Variants in PPP1R26 observed in about 807,000 individuals in gnomAD.
PPP1R26 encodes the protein 1A6/DRIM (down-regulated in metastasis) interacting protein.
Under a neutral mutation model 67.6 loss-of-function variants are expected in PPP1R26, and 22 were observed. The observed-to-expected ratio is 0.33, with a 90% CI of 0.23 to 0.46. The LOEUF is 0.46. Ranked by LOEUF, PPP1R26 falls within the 20% of genes least tolerant of loss-of-function variation. PPP1R26 has a pLI of 1.00. For missense variants in PPP1R26, 1,602 were observed against 1,651.4 expected, an observed-to-expected ratio of 0.97 and a Z score of 0.52; for synonymous variants, 729 against 717.2, an observed-to-expected ratio of 1.02 and a Z score of -0.26.
chr9:135,484,670 C>G lies in PPP1R26; in HGVS notation c.160C>G (p.Leu54Val). 6.2e-7 allele frequency: 1 copy of G among 1,610,860 alleles called. No individual in the cohort carries two copies. Among genetic ancestry groups the G allele is most frequent in the Non-Finnish European group, 8.5e-7 (1 of 1,179,880 alleles). Residue 54 changes from leucine to valine, a missense_variant, in exon 4 of 4, where the codon CTG becomes GTG. Around this residue, in one of 5 missense-constraint regions of PPP1R26, gnomAD observed 168 missense variants for 176.1 expected, o/e 0.95. Coordinates refer to ENST00000356818, the MANE Select transcript of PPP1R26 (RefSeq NM_014811.5). ...CCGGGTGCAGATGCTTATCAGCACT[C>G]TGCAGCGCGACGGGGCTGCTCGGGG... ...SARVQMLIST[L>V]QRDGAARGTS... is the part of the protein sequence containing the mutation.
Position 135,484,999 on chromosome 9 carries a change from C to T in PPP1R26, c.489C>T (p.Ser163=), listed in dbSNP as rs368679903. 5 of 1,585,076 alleles carry T rather than the reference C, an allele frequency of 3.2e-6. No homozygotes were observed. The highest frequency in any genetic ancestry group is 4.3e-6 in the Non-Finnish European group (5 of 1,166,636). Residue 163 remains serine, a synonymous_variant, in exon 4 of 4, where the codon TCC becomes TCT. Coordinates refer to ENST00000356818, the MANE Select transcript of PPP1R26 (RefSeq NM_014811.5). Reference sequence around the variant, plus strand: ...CCCAGCCAGGTGCAGCCCAGCCTTCCAGGGCCGCAGGCGGAGGCAGTAGAT... The same window carrying T: ...CCCAGCCAGGTGCAGCCCAGCCTTCTAGGGCCGCAGGCGGAGGCAGTAGAT... ...GGAQPGAAQP[S]RAAGGGSRCK...
Position 135,488,052 on chromosome 9 carries a change from A to C in PPP1R26, c.3542A>C (p.Gln1181Pro). The C allele has an allele frequency of 3.1e-6, 5 of 1,603,916 alleles. No individual in the cohort carries two copies. The highest frequency in any genetic ancestry group is 1.3e-5 in the African/African-American group (1 of 74,524). ...RYRRRVNRDD[Q>P]EQDALGSDAS... ...CGACGAAGGGTCAACAGGGATGACC[A>C]GGAGCAGGACGCCTTGGGCAGTGAC... Residue 1181 changes from glutamine to proline, a missense_variant, in exon 4 of 4, where the codon CAG (glutamine) becomes CCG (proline). By Grantham distance (76) the Gln-to-Pro change is moderately conservative (BLOSUM62 -1). Transcript: ENST00000356818.
rs542042907 is a variant in PPP1R26 at position 135,486,374 on chromosome 9, G to A, written c.1864G>A (p.Asp622Asn). The A allele has an allele frequency of 7.4e-6, 12 of 1,613,070 alleles. No individual in the cohort carries two copies. Among genetic ancestry groups the A allele is most frequent in the South Asian group, 1.1e-5 (1 of 91,064 alleles). ...EVVKDGSQDA[D>N]HSQGRAEPGH... ...GGTGAAAGACGGTAGCCAGGATGCC[G>A]ACCACAGCCAGGGGAGAGCTGAGCC... The change falls in exon 4 of 4, where the codon GAC becomes AAC. Residue 622 changes from aspartate to asparagine, a missense_variant. Physicochemically the swap from Asp to Asn is conservative, Grantham distance 23. This residue lies in a region of PPP1R26 where 680 missense variants were observed against 726.1 expected (regional missense o/e 0.94). Coordinates refer to ENST00000356818, the MANE Select transcript of PPP1R26 (RefSeq NM_014811.5). This position sits in a 1 kb window ranked among gnomAD's most constrained non-coding sequence, Gnocchi z 6.2.
At position 135,484,732 on chromosome 9, in the gene PPP1R26, G is replaced by A; in HGVS notation, c.222G>A (p.Arg74=). The A allele has an allele frequency of 6.2e-7, 1 of 1,610,148 alleles. No homozygotes were observed. Among genetic ancestry groups the A allele is most frequent in the South Asian group, 1.1e-5 (1 of 90,930 alleles). The change falls in exon 4 of 4, where the codon AGG becomes AGA. Residue 74 remains arginine (R), a synonymous_variant. Transcript: ENST00000356818. ...SDERAAQRGH[R]AEGCHDARPA... is the part of the protein sequence containing the mutation. ...AGCGCGCCGCACAGAGGGGCCACAGGGCAGAGGGATGCCACGACGCCAGGC... is the reference window on the plus strand; with the variant it reads ...AGCGCGCCGCACAGAGGGGCCACAGAGCAGAGGGATGCCACGACGCCAGGC...
Position 135,485,220 on chromosome 9 carries a change from A to G in PPP1R26, c.710A>G (p.Lys237Arg), listed in dbSNP as rs767711746. Residue 237 changes from lysine (K) to arginine (R), a missense_variant, in exon 4 of 4, where the codon AAG (lysine) becomes AGG (arginine). Physicochemically the swap from Lys to Arg is conservative, Grantham distance 26 (BLOSUM62 2). Coordinates refer to ENST00000356818, the MANE Select transcript of PPP1R26 (RefSeq NM_014811.5). This position sits in a 1 kb window ranked among gnomAD's most constrained non-coding sequence, Gnocchi z 7.2. ...RAEIEQFLNE[K>R]RQHETQKCDG... Reference sequence around the variant, plus strand: ...GAAATAGAACAGTTTCTGAATGAGAAGAGACAGCATGAGACCCAAAAATGT... The same window carrying G: ...GAAATAGAACAGTTTCTGAATGAGAGGAGACAGCATGAGACCCAAAAATGT... 1 of 1,612,904 alleles carries G rather than the reference A, an allele frequency of 6.2e-7. No homozygotes were observed. The highest frequency in any genetic ancestry group is 8.5e-7 in the Non-Finnish European group (1 of 1,179,890).
At chr9:135,482,987 CTTTT>C (rs57608324) in intron 2 of PPP1R26, among the ~76,000 whole-genome samples, 172 bp downstream of exon 2, 6 of 112,058 alleles carry the variant, frequency 5.4e-5, no homozygotes, top group Non-Finnish European at 1.0e-4. Flanking sequence ...TTCTTTCTTT[CTTTT>C]TTTTTTTTTT....
Position 135,484,693 on chromosome 9 carries a change from G to A in PPP1R26, c.183G>A (p.Arg61=). The A allele has an allele frequency of 6.2e-7, 1 of 1,610,056 alleles. No homozygotes were observed. Among genetic ancestry groups the A allele is most frequent in the Non-Finnish European group, 8.5e-7 (1 of 1,179,426 alleles). ...ISTLQRDGAA[R]GTSDERAAQR... is the part of the protein sequence containing the mutation. ...CTCTGCAGCGCGACGGGGCTGCTCGGGGCACCAGCGATGAGCGCGCCGCAC... is the reference window on the plus strand; with the variant it reads ...CTCTGCAGCGCGACGGGGCTGCTCGAGGCACCAGCGATGAGCGCGCCGCAC... Residue 61 remains arginine (R), a synonymous_variant, in exon 4 of 4, where the codon CGG becomes CGA. Coordinates refer to ENST00000356818, the MANE Select transcript of PPP1R26 (RefSeq NM_014811.5).
chr9:135,480,625 G>C (rs1389351978), intron 1 of PPP1R26: 1 of 152,394 alleles, frequency 6.6e-6, no homozygotes, highest in Non-Finnish European at 1.5e-5. Context: ...AGTAGCCCAA[G>C]CTTGGGAGTC....
At position 135,485,705 on chromosome 9, in the gene PPP1R26, G is replaced by T; in HGVS notation, c.1195G>T (p.Ala399Ser). 1 of 1,610,452 alleles carries T rather than the reference G, an allele frequency of 6.2e-7. No homozygotes were observed. Among genetic ancestry groups the T allele is most frequent in the Non-Finnish European group, 8.5e-7 (1 of 1,179,970 alleles). ...PQRVQLREERAPDPPAHSTSS... is the reference protein window; with the variant it reads ...PQRVQLREERSPDPPAHSTSS... Reference sequence around the variant, plus strand: ...GAGGGTCCAACTCCGAGAGGAGAGAGCGCCTGACCCTCCCGCACACAGCAC... The same window carrying T: ...GAGGGTCCAACTCCGAGAGGAGAGATCGCCTGACCCTCCCGCACACAGCAC... Residue 399 changes from alanine to serine, a missense_variant, in exon 4 of 4, where the codon GCG becomes TCG. Ala to Ser is a moderately conservative substitution (Grantham distance 99, BLOSUM62 1). Transcript: ENST00000356818. This position sits in a 1 kb window ranked among gnomAD's most constrained non-coding sequence, Gnocchi z 7.2.
rs1427028822 is a variant in PPP1R26, at chr9:135,482,975, TTTTC to T, written c.-196+172_-196+175del. On this transcript the variant is annotated intron_variant, in intron 2 of 3. Coordinates refer to ENST00000356818, the MANE Select transcript of PPP1R26 (RefSeq NM_014811.5). ...GTGGCCAGGCTCACCTTTTGTTTCT[TTTTC>T]TTTCTTTCTTTTTTTTTTTTTTTTT... Among the ~76,000 whole-genome samples the T allele has an allele frequency of 4.1e-3, 578 of 141,402 alleles. 2 individuals carry two copies. The highest frequency in any genetic ancestry group is 6.4e-3 in the South Asian group (27 of 4,190). The allele number at this position is 141,402 out of a possible 152,430, so 92.8% of individuals were successfully genotyped here.
At position 135,484,709 on chromosome 9, in the gene PPP1R26, C is replaced by T. The variant is rs761718580; in HGVS notation, c.199C>T (p.Arg67Cys). The change falls in exon 4 of 4, where the codon CGC (arginine) becomes TGC (cysteine). Residue 67 changes from arginine (R) to cysteine (C), a missense_variant. Coordinates refer to ENST00000356818, the MANE Select transcript of PPP1R26 (RefSeq NM_014811.5). Reference sequence around the variant, plus strand: ...GGCTGCTCGGGGCACCAGCGATGAGCGCGCCGCACAGAGGGGCCACAGGGC... The same window carrying T: ...GGCTGCTCGGGGCACCAGCGATGAGTGCGCCGCACAGAGGGGCCACAGGGC... The part of the protein sequence containing the change: ...DGAARGTSDE[R>C]AAQRGHRAEG... 6 of 1,609,310 alleles carry T rather than the reference C, an allele frequency of 3.7e-6. No homozygotes were observed. The Middle Eastern group carries it at 5.1e-4, about 136-fold the overall frequency.
chr9:135,484,381 C>G (rs1251327002), intron 3 of PPP1R26, 68 bp from the exon 4 acceptor site: 1 of 875,578 alleles, frequency 1.1e-6, no homozygotes, highest in African/African-American at 1.7e-5. Context: ...CCTCTGGGGC[C>G]TCGCTTGGTG....
chr9:135,484,804 C>T lies in PPP1R26; in HGVS notation c.294C>T (p.Val98=), dbSNP rs138505579. The change falls in exon 4 of 4, where the codon GTC becomes GTT. Residue 98 remains valine (V), a synonymous_variant. Coordinates refer to ENST00000356818, the MANE Select transcript of PPP1R26 (RefSeq NM_014811.5). ...TVHKEPPALA[V]CGLVADFDPM... Reference sequence around the variant, plus strand: ...ACAAGGAGCCACCCGCGTTGGCTGTCTGTGGTCTCGTTGCTGACTTTGACC... The same window carrying T: ...ACAAGGAGCCACCCGCGTTGGCTGTTTGTGGTCTCGTTGCTGACTTTGACC... 2.5e-6 allele frequency: 4 copies of T among 1,610,876 alleles called. No individual in the cohort carries two copies. In the African/African-American group the frequency reaches 4.0e-5, roughly 16 times the overall value.
chr9:135,487,241 G>A lies in PPP1R26; in HGVS notation c.2731G>A (p.Ala911Thr), dbSNP rs757039222. The A allele has an allele frequency of 1.3e-5, 20 of 1,578,930 alleles. No homozygotes were observed. Among genetic ancestry groups the A allele is most frequent in the African/African-American group, 8.1e-5 (6 of 74,060 alleles). Residue 911 changes from alanine to threonine, a missense_variant, in exon 4 of 4, where the codon GCA becomes ACA. Around this residue, in one of 5 missense-constraint regions of PPP1R26, gnomAD observed 740 missense variants for 696.3 expected, o/e 1.06. Coordinates refer to ENST00000356818, the MANE Select transcript of PPP1R26 (RefSeq NM_014811.5). ...CGAAGGGCTTCGAGGCACAGAGAGCGCAGGAGCACAGGGCACAGCTGGTCT... is the reference window on the plus strand; with the variant it reads ...CGAAGGGCTTCGAGGCACAGAGAGCACAGGAGCACAGGGCACAGCTGGTCT... ...LAEGLRGTES[A>T]GAQGTAGLFS... is the part of the protein sequence containing the mutation.
chr9:135,485,904 G>A lies in PPP1R26; in HGVS notation c.1394G>A (p.Ser465Asn), dbSNP rs765083810. ...APPPASPASR[S>N]EFVERSSCRA... Reference sequence around the variant, plus strand: ...CCTCCAGCGAGCCCTGCTTCCAGGAGTGAGTTTGTGGAACGGTCCTCGTGC... The same window carrying A: ...CCTCCAGCGAGCCCTGCTTCCAGGAATGAGTTTGTGGAACGGTCCTCGTGC... Residue 465 changes from serine (S) to asparagine (N), a missense_variant, in exon 4 of 4, where the codon AGT becomes AAT. Transcript: ENST00000356818. This position sits in a 1 kb window ranked among gnomAD's most constrained non-coding sequence, Gnocchi z 7.2. 6.2e-7 allele frequency: 1 copy of A among 1,613,554 alleles called. No individual in the cohort carries two copies. The highest frequency in any genetic ancestry group is 8.5e-7 in the Non-Finnish European group (1 of 1,180,024).
chr9:135,487,093 G>C lies in PPP1R26; in HGVS notation c.2583G>C (p.Glu861Asp). Residue 861 changes from glutamate to aspartate, a missense_variant, in exon 4 of 4, where the codon GAG becomes GAC. Transcript: ENST00000356818. ...TGAGCAGTTCAGAAGTTCAGGCAGA[G>C]GGCCCCACCGCTCTTGGGACAGGGG... ...ESVSSSEVQA[E>D]GPTALGTGGP... 1 of 1,611,562 alleles carries C rather than the reference G, an allele frequency of 6.2e-7. No individual in the cohort carries two copies.
At chr9:135,481,000 G>A (rs905763406) in intron 1 of PPP1R26, among the ~76,000 whole-genome samples, 1 of 152,126 alleles carries the variant, frequency 6.6e-6, no homozygotes. Flanking sequence ...TTAGGATGGC[G>A]AGGGCCCAGT....
In PPP1R26 at chr9:135,485,065, G is replaced by A. The variant is rs1830660378; in HGVS notation, c.555G>A (p.Leu185=). ...CTCACGGCAGTGCCCCGACTGCCCT[G>A]TGTCCCCCAAAACTTGTACCTGGAT... The part of the protein sequence containing the change: ...EPAHGSAPTA[L]CPPKLVPGSG... Residue 185 remains leucine (L), a synonymous_variant, in exon 4 of 4, where the codon CTG becomes CTA. Transcript: ENST00000356818. The surrounding 1 kb of genome is among the most constrained non-coding windows in gnomAD (Gnocchi z 7.2). 1 of 1,608,874 alleles carries A rather than the reference G, an allele frequency of 6.2e-7. No homozygotes were observed. The highest frequency in any genetic ancestry group is 8.5e-7 in the Non-Finnish European group (1 of 1,178,242).
rs1258784913 is a variant in PPP1R26, at chr9:135,488,079, C to A, written c.3569C>A (p.Ala1190Asp). Residue 1190 changes from alanine (A) to aspartate (D), a missense_variant, in exon 4 of 4, where the codon GCC becomes GAC. Coordinates refer to ENST00000356818, the MANE Select transcript of PPP1R26 (RefSeq NM_014811.5). Reference sequence around the variant, plus strand: ...GAGCAGGACGCCTTGGGCAGTGACGCCAGTGACTTCAGCGACACCTCCACG... The same window carrying A: ...GAGCAGGACGCCTTGGGCAGTGACGACAGTGACTTCAGCGACACCTCCACG... ...DQEQDALGSD[A>D]SDFSDTSTED... The A allele has an allele frequency of 1.9e-6, 3 of 1,575,516 alleles. No individual in the cohort carries two copies. The highest frequency in any genetic ancestry group is 3.8e-5 in the Admixed American group (2 of 53,256).
Sources: allele counts gnomAD v4.1 joint callset (sites outside exome capture counted in the v4.1 genomes callset), GRCh38; gene constraint gnomAD v4.1.1; regional missense constraint gnomAD v4.1.1; non-coding constraint Gnocchi (gnomAD v3.1); transcripts MANE v1.5; gene names NCBI Gene and HGNC (gene_info 2026-07-23, HGNC 2026-07-21).